PCDHGA1: variants seen among roughly 807,000 people sequenced by gnomAD.
The protein encoded by PCDHGA1 is protocadherin gamma subfamily A, 1.
A neutral mutation model predicts 58.0 loss-of-function variants in PCDHGA1; 32 were observed. The observed-to-expected ratio is 0.55, with a 90% confidence interval of 0.42 to 0.74. The LOEUF (loss-of-function observed/expected upper bound fraction) is 0.74, where lower values mean the gene tolerates loss of function less well. Among genes scored for constraint, PCDHGA1 ranks in the 30% least tolerant of loss-of-function variants. The probability of loss-of-function intolerance (pLI) is 0.00; values close to 1 mark genes in which losing one functional copy is unlikely to be tolerated. For synonymous variants in PCDHGA1, 498 were observed against 501.1 expected (o/e 0.99, Z 0.08); for missense variants, 1,205 against 1,182.3 (o/e 1.02, Z -0.28).
At chr5:141,414,135 A>G in intron 1 of PCDHGA1, 1 of 1,595,504 alleles carries the variant, frequency 6.3e-7, no homozygotes, top group Non-Finnish European at 8.5e-7. Context: ...GTTTCTATGA[A>G]ATAGAAATAC....
At chr5:141,357,089 G>C (rs762398968) in intron 1 of PCDHGA1, 32 of 1,613,878 alleles carry the variant, frequency 2.0e-5, no homozygotes, top group Non-Finnish European at 2.6e-5. Flanking sequence ...CGCACCGCAC[G>C]GGCCCTGCTG....
intron 1 of PCDHGA1, chr5:141,383,563 C>G (rs779788206): frequency 1.5e-5 from 25 of 1,613,034 alleles, no homozygotes; most frequent in East Asian, 2.2e-5. Flanking sequence ...CGACCCGCCC[C>G]GATCCAGCAC....
intron 1 of PCDHGA1, chr5:141,478,533 C>G: frequency 6.2e-7 from 1 of 1,608,070 alleles, no homozygotes; most frequent in African/African-American, 1.3e-5. Context: ...GCAGAGAGCG[C>G]CCCTCCCGGA....
intron 1 of PCDHGA1, chr5:141,415,217 GCTTCGAGTCT>G: frequency 2.5e-6 from 4 of 1,614,124 alleles, no homozygotes; most frequent in Non-Finnish European, 3.4e-6. Context: ...GACCTCGGCA[GCTTCGAGTCT>G]CCAGCTAACT....
intron 1 of PCDHGA1, among the ~76,000 whole-genome samples, chr5:141,443,560 G>A (rs2098394386): frequency 6.6e-6 from 1 of 152,162 alleles, no homozygotes; most frequent in Non-Finnish European, 1.5e-5. Context: ...CAATTCAAAT[G>A]CTTTAAATGG....
rs763160633 is a variant in PCDHGA1 at position 141,418,261 on chromosome 5, G to A, written c.2422-76546G>A. 3 of 1,614,056 alleles carry A rather than the reference G, an allele frequency of 1.9e-6. No homozygotes were observed. In the South Asian group the frequency reaches 3.3e-5, roughly 18 times the overall value. Reference sequence around the variant, plus strand: ...TTAATGACCACGCCCCTCAATTCCGGAAAGATGAAATAAACTTAGAAATCA... The same window carrying A: ...TTAATGACCACGCCCCTCAATTCCGAAAAGATGAAATAAACTTAGAAATCA... On this transcript the variant is annotated intron_variant, in intron 1 of 3. Coordinates refer to ENST00000517417, the MANE Select transcript of PCDHGA1 (RefSeq NM_018912.3).
rs114847835 is a variant in PCDHGA1, at chr5:141,486,500, C to T, written c.2422-8307C>T. The T allele has an allele frequency of 6.2e-6, 10 of 1,614,008 alleles. No homozygotes were observed. The East Asian group carries it at 1.8e-4, about 29-fold the overall frequency. On this transcript the variant is annotated intron_variant, in intron 1 of 3. Coordinates refer to ENST00000517417, the MANE Select transcript of PCDHGA1 (RefSeq NM_018912.3). This position sits in a 1 kb window ranked among gnomAD's most constrained non-coding sequence, Gnocchi z 5.0. ...TCTCAGTACCCACAGAACTATTTTCCTCAATATTTCAGATGTGAATGATAA... is the reference window on the plus strand; with the variant it reads ...TCTCAGTACCCACAGAACTATTTTCTTCAATATTTCAGATGTGAATGATAA...
At chr5:141,404,221 T>C (rs1028021504) in intron 1 of PCDHGA1, 2 of 1,613,766 alleles carry the variant, frequency 1.2e-6, no homozygotes, top group Non-Finnish European at 1.7e-6. Context: ...TCACGGTGAC[T>C]GCAACAGACA....
intron 1 of PCDHGA1, chr5:141,413,354 C>T: frequency 6.2e-7 from 1 of 1,613,974 alleles, no homozygotes; most frequent in South Asian, 1.1e-5. Flanking sequence ...GGTCTGGCGC[C>T]CCGGGAGCTG....
intron 1 of PCDHGA1, chr5:141,404,272 G>A (rs2094505108): frequency 6.2e-7 from 1 of 1,613,834 alleles, no homozygotes; most frequent in Non-Finnish European, 8.5e-7. Flanking sequence ...ACATCACCCT[G>A]CAAGTGACTG....
chr5:141,505,616 C>A, intron 3 of PCDHGA1, 135 bp downstream of exon 3: 1 of 1,503,160 alleles, frequency 6.7e-7, no homozygotes. Flanking sequence ...CTGAAAGGAC[C>A]CACAATTCCA....
At chr5:141,364,161 C>A in intron 1 of PCDHGA1, 1 of 652,296 alleles carries the variant, frequency 1.5e-6, no homozygotes, top group Non-Finnish European at 2.3e-6. Flanking sequence ...GCCGCAGAGG[C>A]GACCCGACTC....
chr5:141,424,082 C>T (rs2096798510), intron 1 of PCDHGA1: 2 of 957,226 alleles, frequency 2.1e-6, no homozygotes, highest in East Asian at 1.1e-4. Flanking sequence ...TTATATTCCA[C>T]CATTATTTGC....
intron 1 of PCDHGA1, chr5:141,378,642 C>T (rs780445527): frequency 5.9e-5 from 9 of 152,098 alleles, no homozygotes; most frequent in Non-Finnish European, 1.3e-4. Context: ...AATGGGAGAA[C>T]AAATGTTAAT....
chr5:141,402,789 T>C (rs1047869740), intron 1 of PCDHGA1: 2 of 952,520 alleles, frequency 2.1e-6, no homozygotes, highest in South Asian at 4.2e-5. Context: ...GTTCTGCGGC[T>C]ACACAAAACC....
rs925034052 is a variant in PCDHGA1, at chr5:141,486,630, T to G, written c.2422-8177T>G. 2 of 1,613,690 alleles carry G rather than the reference T, an allele frequency of 1.2e-6. No individual in the cohort carries two copies. Among genetic ancestry groups the G allele is most frequent in the Non-Finnish European group, 1.7e-6 (2 of 1,180,028 alleles). ...GCAGCCTCTGACCCAGACTCTGGCTTGAATGCGCTTATCTCCTACTCACTC... is the reference window on the plus strand; with the variant it reads ...GCAGCCTCTGACCCAGACTCTGGCTGGAATGCGCTTATCTCCTACTCACTC... On this transcript the variant is annotated intron_variant, in intron 1 of 3. Coordinates refer to ENST00000517417, the MANE Select transcript of PCDHGA1 (RefSeq NM_018912.3). This position sits in a 1 kb window ranked among gnomAD's most constrained non-coding sequence, Gnocchi z 5.0.
chr5:141,360,404 T>C, intron 1 of PCDHGA1: 2 of 1,613,934 alleles, frequency 1.2e-6, no homozygotes, highest in South Asian at 1.1e-5. Flanking sequence ...AGTGACAGAA[T>C]AGACCGAGAA....
intron 1 of PCDHGA1, chr5:141,420,546 G>T: frequency 3.5e-6 from 1 of 284,254 alleles, no homozygotes; most frequent in Admixed American, 5.0e-5. Flanking sequence ...ATAAAATACA[G>T]GTATATTTTT....
Position 141,476,845 on chromosome 5 carries a change from C to T in PCDHGA1, c.2422-17962C>T. On this transcript the variant is annotated intron_variant, in intron 1 of 3. Transcript: ENST00000517417. The surrounding 1 kb of genome is among the most constrained non-coding windows in gnomAD (Gnocchi z 7.6). ...TGGACGCGAATGACAATGCGCCTGT[C>T]TTCAACCAGTCCTTGTACCGGGCGC... 1 of 1,613,794 alleles carries T rather than the reference C, an allele frequency of 6.2e-7. No homozygotes were observed. Among genetic ancestry groups the T allele is most frequent in the Non-Finnish European group, 8.5e-7 (1 of 1,180,054 alleles).
Sources: allele counts gnomAD v4.1 joint callset (sites outside exome capture counted in the v4.1 genomes callset), GRCh38; gene constraint gnomAD v4.1.1; non-coding constraint Gnocchi (gnomAD v3.1); transcripts MANE v1.5; gene names NCBI Gene and HGNC (gene_info 2026-07-23, HGNC 2026-07-21).